Variants in SHC3 observed in about 807,000 individuals in gnomAD.
SHC3 encodes SHC-transforming protein 3.
In SHC3, 15 loss-of-function variants were observed where a neutral mutation model predicts 60.4. The ratio of observed to expected loss-of-function variants is 0.25; its 90% CI spans 0.17 to 0.38. The LOEUF (loss-of-function observed/expected upper bound fraction) is 0.38. SHC3 is among the 10% of genes least tolerant of loss of function. SHC3 has a pLI of 1.00. For synonymous variants in SHC3, 294 were observed against 325.9 expected (o/e 0.90, Z 1.05); for missense variants, 677 against 786.1 (o/e 0.86, Z 1.66).
chr9:89,096,555 T>C (rs1190965782), intron 2 of SHC3, among the ~76,000 whole-genome samples: 3 of 152,242 alleles, frequency 2.0e-5, no homozygotes, highest in African/African-American at 4.8e-5. Context: ...ACTGCAAATA[T>C]GTGCAAAATA....
At chr9:89,126,051 C>T (rs922887655) in intron 1 of SHC3, among the ~76,000 whole-genome samples, 5 of 152,130 alleles carry the variant, frequency 3.3e-5, no homozygotes, top group African/African-American at 9.7e-5. Context: ...ATCAGGACCA[C>T]GTTCAGGCAA....
At chr9:89,172,754 C>A (rs756226355) in intron 1 of SHC3, among the ~76,000 whole-genome samples, 21 of 152,222 alleles carry the variant, frequency 1.4e-4, no homozygotes, top group Non-Finnish European at 2.5e-4. Context: ...ACACACATAA[C>A]TGGTCATTTC....
intron 6 of SHC3, among the ~76,000 whole-genome samples, chr9:89,060,185 G>A (rs1467468573): frequency 5.3e-5 from 8 of 150,002 alleles, no homozygotes; most frequent in Non-Finnish European, 1.0e-4. Flanking sequence ...GGAGGACATG[G>A]TGTAGGACGT....
At chr9:89,086,195 T>G (rs1157704838) in intron 2 of SHC3, among the ~76,000 whole-genome samples, 1 of 152,158 alleles carries the variant, frequency 6.6e-6, no homozygotes, top group Non-Finnish European at 1.5e-5. Context: ...CAGCTGGGTG[T>G]CCTCCAATTC....
At chr9:89,120,696 G>A (rs997366082) in intron 1 of SHC3, among the ~76,000 whole-genome samples, 3 of 152,098 alleles carry the variant, frequency 2.0e-5, no homozygotes, top group Non-Finnish European at 4.4e-5. Context: ...ATGTGTAAGT[G>A]CATAAAACCA....
intron 4 of SHC3, among the ~76,000 whole-genome samples, chr9:89,074,691 C>CAAAG (rs1825326646): frequency 1.7e-5 from 1 of 59,926 alleles, no homozygotes; most frequent in Non-Finnish European, 2.9e-5. Context: ...GCCACTAAAG[C>CAAAG]AAAAAAAAAA....
At position 89,178,305 on chromosome 9, in the gene SHC3, C is replaced by T. The variant is rs762434136; in HGVS notation, c.156G>A (p.Ala52=). ...AAAPYLVSGE[A]LRKAPDDGPG... ...GCCCATCGTCGGGCGCCTTGCGCAG[C>T]GCCTCGCCGGACACCAAGTAGGGAG... Residue 52 remains alanine, a synonymous_variant, in exon 1 of 12, where the codon GCG becomes GCA. Transcript: ENST00000375835. The surrounding 1 kb of genome is among the most constrained non-coding windows in gnomAD (Gnocchi z 6.9). 28 of 1,582,140 alleles carry T rather than the reference C, an allele frequency of 1.8e-5. No homozygotes were observed. In the African/African-American group the frequency reaches 2.5e-4, roughly 14 times the overall value.
chr9:89,137,393 C>T (rs2118182980), intron 1 of SHC3, among the ~76,000 whole-genome samples: 1 of 152,182 alleles, frequency 6.6e-6, no homozygotes, highest in South Asian at 2.1e-4. Context: ...GTTTTTGGCA[C>T]CTCCAGTTAA....
intron 1 of SHC3, among the ~76,000 whole-genome samples, chr9:89,144,144 C>T (rs879367945): frequency 3.9e-5 from 6 of 152,172 alleles, no homozygotes; most frequent in Admixed American, 6.5e-5. Context: ...TGTGTGCATA[C>T]GCACAGAAAA....
chr9:89,105,582 C>T (rs1564147192), intron 2 of SHC3, among the ~76,000 whole-genome samples: 1 of 152,158 alleles, frequency 6.6e-6, no homozygotes, highest in East Asian at 1.9e-4. Flanking sequence ...AGAAGGTAAG[C>T]ACTTACTTAG....
At chr9:89,161,568 G>T (rs9410465) in intron 1 of SHC3, among the ~76,000 whole-genome samples, 7,936 of 152,174 alleles carry the variant, frequency 0.052, 303 homozygotes, top group Non-Finnish European at 0.078. Flanking sequence ...GTCAGCTCAG[G>T]CTGCCATAAC....
chr9:89,071,349 G>A (rs2117994898), intron 4 of SHC3, 97 bp from the exon 5 acceptor site: 1 of 1,252,116 alleles, frequency 8.0e-7, no homozygotes, highest in Middle Eastern at 1.9e-4. Flanking sequence ...AAATTGACAT[G>A]TTTTCCTGAA....
chr9:89,168,425 T>C (rs1826821454), intron 1 of SHC3, among the ~76,000 whole-genome samples: 1 of 152,028 alleles, frequency 6.6e-6, no homozygotes. Context: ...GATTGCACCA[T>C]TGTACTCCAG....
intron 6 of SHC3, among the ~76,000 whole-genome samples, chr9:89,056,058 T>C (rs138413774): frequency 6.6e-5 from 10 of 152,340 alleles, no homozygotes; most frequent in South Asian, 2.1e-4. Context: ...TTAGGTGTGA[T>C]CTATTGTTAT....
chr9:89,041,872 A>C (rs1824692823), intron 10 of SHC3, among the ~76,000 whole-genome samples, 154 bp downstream of exon 10: 2 of 152,232 alleles, frequency 1.3e-5, no homozygotes, highest in African/African-American at 4.8e-5. Context: ...AGCCTTAAAC[A>C]AACCCAATCA....
intron 1 of SHC3, among the ~76,000 whole-genome samples, chr9:89,168,492 C>T (rs555616838): frequency 6.6e-6 from 1 of 152,246 alleles, no homozygotes; most frequent in East Asian, 1.9e-4. Context: ...CTATTTGATG[C>T]CCACAGGAAT....
chr9:89,089,118 C>T (rs1825579950), intron 2 of SHC3, among the ~76,000 whole-genome samples: 1 of 152,178 alleles, frequency 6.6e-6, no homozygotes, highest in Non-Finnish European at 1.5e-5. Context: ...TTTCTGATCA[C>T]CGCACAGAGC....
At chr9:89,125,127 C>A (rs1297293777) in intron 1 of SHC3, among the ~76,000 whole-genome samples, 1 of 152,122 alleles carries the variant, frequency 6.6e-6, no homozygotes, top group African/African-American at 2.4e-5. Context: ...GGGTCTGCAG[C>A]AGTGGGTCTC....
At chr9:89,093,553 CA>C (rs202123276) in intron 2 of SHC3, among the ~76,000 whole-genome samples, 3,187 of 113,048 alleles carry the variant, frequency 0.028, 46 homozygotes, top group East Asian at 0.074. Flanking sequence ...GTAGAGTCTC[CA>C]AAAAAAAAAA....
Sources: gnomAD v4.1 joint callset for allele counts (sites outside exome capture counted in the v4.1 genomes callset) on GRCh38, gnomAD v4.1.1 for gene constraint, Gnocchi (gnomAD v3.1) non-coding constraint, MANE v1.5 for transcripts, NCBI Gene and HGNC (gene_info 2026-07-23, HGNC 2026-07-21) for gene names.